LRP1B: variants seen among roughly 807,000 people sequenced by gnomAD.
LRP1B encodes the protein LDL receptor related protein 1B.
Under a neutral mutation model 556.6 loss-of-function variants are expected in LRP1B, and 217 were observed. The ratio of observed to expected loss-of-function variants is 0.39; its 90% CI spans 0.35 to 0.44. The LOEUF (loss-of-function observed/expected upper bound fraction) is 0.44, where lower values mean the gene tolerates loss of function less well. Among genes scored for constraint, LRP1B ranks in the 20% least tolerant of loss-of-function variants. The pLI is 1.00. For synonymous variants in LRP1B, 2,047 were observed against 1,865.8 expected (o/e 1.10, Z -2.50); for missense variants, 5,053 against 5,620.8 (o/e 0.90, Z 3.23).
chr2:141,634,872 T>C (rs940180503), intron 2 of LRP1B, among the ~76,000 whole-genome samples: 18 of 151,980 alleles, frequency 1.2e-4, no homozygotes, highest in Non-Finnish European at 1.9e-4. Context: ...TCATTGACAG[T>C]AGAGATATTC....
intron 53 of LRP1B, among the ~76,000 whole-genome samples, chr2:140,504,419 T>C (rs1466967100): frequency 6.6e-6 from 1 of 152,186 alleles, no homozygotes; most frequent in Non-Finnish European, 1.5e-5. Flanking sequence ...TCCTGTTCCA[T>C]TCTAAAATAT....
intron 1 of LRP1B, among the ~76,000 whole-genome samples, chr2:141,890,999 G>A (rs1260023432): frequency 6.6e-6 from 1 of 152,106 alleles, no homozygotes; most frequent in African/African-American, 2.4e-5. Context: ...GGTCTAAGCA[G>A]CCATTTAAAA....
intron 82 of LRP1B, among the ~76,000 whole-genome samples, chr2:140,321,378 T>G (rs1459498682): frequency 6.6e-6 from 1 of 151,964 alleles, no homozygotes; most frequent in East Asian, 1.9e-4. Context: ...TAGTTTTTAG[T>G]TTTTACATTA....
intron 2 of LRP1B, among the ~76,000 whole-genome samples, chr2:141,694,533 T>C (rs188745548): frequency 6.6e-5 from 10 of 150,500 alleles, no homozygotes; most frequent in Admixed American, 2.0e-4. Flanking sequence ...TAGTTAGTGA[T>C]TGATTCAGTA....
intron 66 of LRP1B, among the ~76,000 whole-genome samples, chr2:140,417,795 C>T (rs1452597993): frequency 6.6e-6 from 1 of 152,136 alleles, no homozygotes; most frequent in Non-Finnish European, 1.5e-5. Flanking sequence ...CTGAACTTAA[C>T]AGCATTTTAC....
chr2:141,814,215 A>T, intron 1 of LRP1B, among the ~76,000 whole-genome samples: 1 of 152,200 alleles, frequency 6.6e-6, no homozygotes, highest in East Asian at 1.9e-4. Context: ...TGCCCAGAAA[A>T]GTAGTCAATT....
At chr2:141,355,827 T>C (rs556587063) in intron 3 of LRP1B, among the ~76,000 whole-genome samples, 1 of 152,338 alleles carries the variant, frequency 6.6e-6, no homozygotes, top group African/African-American at 2.4e-5. Context: ...TGATCTTGCA[T>C]ACTGCTACCT....
chr2:141,812,353 C>T (rs1252862614), intron 1 of LRP1B, among the ~76,000 whole-genome samples: 1 of 152,072 alleles, frequency 6.6e-6, no homozygotes, highest in Non-Finnish European at 1.5e-5. Context: ...ACTGGGACAA[C>T]AGGTATAAAC....
chr2:140,414,313 T>G (rs1573909596), intron 66 of LRP1B, among the ~76,000 whole-genome samples: 1 of 152,192 alleles, frequency 6.6e-6, no homozygotes. Flanking sequence ...ATCATAGTTA[T>G]TTAGTTTCAG....
chr2:140,756,357 G>A (rs1009325254), intron 35 of LRP1B, among the ~76,000 whole-genome samples: 1 of 151,764 alleles, frequency 6.6e-6, no homozygotes, highest in Non-Finnish European at 1.5e-5. Context: ...GACAATACAA[G>A]GACTCAAAAA....
intron 32 of LRP1B, among the ~76,000 whole-genome samples, chr2:140,778,053 CT>C (rs1689559911): frequency 7.0e-6 from 1 of 143,216 alleles, no homozygotes; most frequent in Non-Finnish European, 1.5e-5. Context: ...TAAAAATTAC[CT>C]TAATTGATCA....
At chr2:141,063,970 T>G (rs1699410369) in intron 7 of LRP1B, among the ~76,000 whole-genome samples, 1 of 151,834 alleles carries the variant, frequency 6.6e-6, no homozygotes, top group South Asian at 2.1e-4. Context: ...ACTGTTTACA[T>G]GGTACTTAAG....
At chr2:140,503,854 G>A (rs1030575570) in intron 53 of LRP1B, among the ~76,000 whole-genome samples, 4 of 152,014 alleles carry the variant, frequency 2.6e-5, no homozygotes, top group African/African-American at 7.2e-5. Context: ...GAGGGGGTAA[G>A]ATTTTTATGG....
At chr2:141,960,768 T>C (rs769839845) in intron 1 of LRP1B, among the ~76,000 whole-genome samples, 8 of 151,900 alleles carry the variant, frequency 5.3e-5, no homozygotes, top group African/African-American at 9.7e-5. Context: ...TATCTTTCTA[T>C]ACATTAAATA....
intron 43 of LRP1B, among the ~76,000 whole-genome samples, chr2:140,596,882 G>A (rs1472580740): frequency 6.6e-6 from 1 of 152,194 alleles, no homozygotes; most frequent in East Asian, 1.9e-4. Context: ...GAAATATAAA[G>A]TGCTTGGCAC....
chr2:140,480,282 T>C (rs1411814450), intron 59 of LRP1B, among the ~76,000 whole-genome samples: 1 of 152,202 alleles, frequency 6.6e-6, no homozygotes, highest in Non-Finnish European at 1.5e-5. Context: ...TGAAGGACAT[T>C]CTAAAATATC....
At chr2:141,004,901 T>C (rs1040387973) in intron 15 of LRP1B, among the ~76,000 whole-genome samples, 4 of 152,062 alleles carry the variant, frequency 2.6e-5, no homozygotes, top group Non-Finnish European at 5.9e-5. Flanking sequence ...GGATAGTCTG[T>C]AAATTCTTTA....
chr2:141,197,524 A>G (rs921616512), intron 6 of LRP1B, among the ~76,000 whole-genome samples: 1 of 152,118 alleles, frequency 6.6e-6, no homozygotes, highest in African/African-American at 2.4e-5. Context: ...AGACTTTCAA[A>G]AAAGAACATA....
At chr2:141,385,950 T>C (rs1689820590) in intron 3 of LRP1B, among the ~76,000 whole-genome samples, 3 of 152,146 alleles carry the variant, frequency 2.0e-5, no homozygotes, top group Non-Finnish European at 4.4e-5. Context: ...AGTAATTATG[T>C]GTGAATAAAT....
Sources: allele counts gnomAD v4.1 joint callset (sites outside exome capture counted in the v4.1 genomes callset), GRCh38; gene constraint gnomAD v4.1.1; transcripts MANE v1.5; gene names NCBI Gene and HGNC (gene_info 2026-07-23, HGNC 2026-07-21).